RBFOX1: variants seen among roughly 807,000 people sequenced by gnomAD.
The protein encoded by RBFOX1 is RNA binding fox-1 homolog 1.
Under a neutral mutation model 57.7 loss-of-function variants are expected in RBFOX1, and 8 were observed. The observed-to-expected ratio is 0.14, with a 90% CI of 0.08 to 0.25. The LOEUF is 0.25. Among genes scored for constraint, RBFOX1 ranks in the 10% least tolerant of loss-of-function variants. The pLI is 1.00. For missense variants in RBFOX1, 611 were observed against 548.5 expected, an observed-to-expected ratio of 1.11 and a Z score of -1.14; for synonymous variants, 326 against 222.4, an observed-to-expected ratio of 1.47 and a Z score of -4.15.
intron 2 of RBFOX1, among the ~76,000 whole-genome samples, chr16:5,546,746 T>C (rs2045222682): frequency 6.6e-6 from 1 of 152,154 alleles, no homozygotes; most frequent in South Asian, 2.1e-4. Flanking sequence ...TAAAAATGGA[T>C]AAATTTTAAA....
intron 11 of RBFOX1, among the ~76,000 whole-genome samples, chr16:7,631,198 G>T (rs1474263604): frequency 6.6e-6 from 1 of 151,950 alleles, no homozygotes. Flanking sequence ...AGCAGAGAGA[G>T]AAATGTGGTT....
chr16:6,383,835 T>A (rs991077446), intron 2 of RBFOX1, among the ~76,000 whole-genome samples: 3 of 152,070 alleles, frequency 2.0e-5, no homozygotes, highest in African/African-American at 7.2e-5. Context: ...ACAATCAAAT[T>A]TTAAACCAAT....
chr16:5,877,323 C>T (rs1597604585), intron 4 of RBFOX1, among the ~76,000 whole-genome samples: 1 of 152,346 alleles, frequency 6.6e-6, no homozygotes, highest in East Asian at 1.9e-4. Context: ...ATGAATGAAA[C>T]ACTTTTTTCT....
At chr16:6,073,226 G>A (rs2095857656) in intron 1 of RBFOX1, among the ~76,000 whole-genome samples, 1 of 152,192 alleles carries the variant, frequency 6.6e-6, no homozygotes, top group Non-Finnish European at 1.5e-5. Context: ...GGGCTGAGAT[G>A]AACTACTCAC....
intron 2 of RBFOX1, among the ~76,000 whole-genome samples, chr16:5,481,834 T>C (rs2069554321): frequency 6.6e-6 from 1 of 152,148 alleles, no homozygotes; most frequent in Non-Finnish European, 1.5e-5. Flanking sequence ...TCTGACCGTG[T>C]CTCCACATGG....
At chr16:7,545,469 G>C (rs1337839774) in intron 5 of RBFOX1, among the ~76,000 whole-genome samples, 1 of 152,056 alleles carries the variant, frequency 6.6e-6, no homozygotes, top group East Asian at 1.9e-4. Flanking sequence ...CAAAACCCCA[G>C]CCCTGGCACC....
At chr16:7,634,780 C>T (rs1400098197) in intron 11 of RBFOX1, among the ~76,000 whole-genome samples, 2 of 152,194 alleles carry the variant, frequency 1.3e-5, no homozygotes, top group African/African-American at 4.8e-5. Flanking sequence ...CACAGGTCAT[C>T]ATGCATCCTC....
chr16:7,277,182 G>T (rs1012473495), intron 4 of RBFOX1, among the ~76,000 whole-genome samples: 1 of 152,074 alleles, frequency 6.6e-6, no homozygotes, highest in African/African-American at 2.4e-5. Flanking sequence ...GCAATTAACC[G>T]ACTTTTATTT....
At chr16:7,647,080 C>T (rs1248080210) in intron 11 of RBFOX1, among the ~76,000 whole-genome samples, 1 of 152,176 alleles carries the variant, frequency 6.6e-6, no homozygotes, top group Non-Finnish European at 1.5e-5. Flanking sequence ...ACCACCACAG[C>T]GTGCCTCTTG....
intron 2 of RBFOX1, among the ~76,000 whole-genome samples, chr16:6,624,921 G>T: frequency 6.6e-6 from 1 of 152,064 alleles, no homozygotes; most frequent in East Asian, 1.9e-4. Flanking sequence ...CCAGCACTTT[G>T]GTCGAGGTCG....
At chr16:7,240,542 GTTTGTTTGTTTGTT>G (rs973684306) in intron 4 of RBFOX1, among the ~76,000 whole-genome samples, 13 of 151,784 alleles carry the variant, frequency 8.6e-5, no homozygotes, top group African/African-American at 2.9e-4. Flanking sequence ...GGTGTTTTTT[GTTTGTTTGTTTGTT>G]TTTGTTTGTT....
At chr16:5,757,195 C>T (rs1014456666) in intron 3 of RBFOX1, among the ~76,000 whole-genome samples, 15 of 149,052 alleles carry the variant, frequency 1.0e-4, no homozygotes, top group Non-Finnish European at 1.5e-4. Context: ...GCATGAAGAG[C>T]GTGGCGGGGA....
intron 4 of RBFOX1, among the ~76,000 whole-genome samples, chr16:5,880,426 A>T (rs1340692762): frequency 6.6e-6 from 1 of 152,204 alleles, no homozygotes; most frequent in African/African-American, 2.4e-5. Flanking sequence ...TCTCCAAGGG[A>T]TGATACGAGT....
intron 3 of RBFOX1, among the ~76,000 whole-genome samples, chr16:5,684,599 C>G (rs568997503): frequency 6.6e-6 from 1 of 152,256 alleles, no homozygotes; most frequent in South Asian, 2.1e-4. Flanking sequence ...TAAAATGACC[C>G]CACGGTTAAT....
At chr16:6,440,499 G>A (rs904254358) in intron 2 of RBFOX1, among the ~76,000 whole-genome samples, 18 of 152,226 alleles carry the variant, frequency 1.2e-4, no homozygotes, top group Middle Eastern at 3.4e-3. Context: ...TATGACAAGG[G>A]TAGTAAAGAC....
At chr16:7,540,129 C>T (rs186541857) in intron 5 of RBFOX1, among the ~76,000 whole-genome samples, 1 of 152,304 alleles carries the variant, frequency 6.6e-6, no homozygotes, top group East Asian at 1.9e-4. Context: ...CTTCTAACCC[C>T]CGTCTCCTCC....
chr16:6,723,309 T>A (rs536888439), intron 3 of RBFOX1, among the ~76,000 whole-genome samples: 1 of 152,196 alleles, frequency 6.6e-6, no homozygotes, highest in Non-Finnish European at 1.5e-5. Context: ...ACCTACTGTA[T>A]CAGAGTGGTC....
chr16:6,012,818 A>G (rs1215112848), intron 4 of RBFOX1, among the ~76,000 whole-genome samples: 1 of 152,196 alleles, frequency 6.6e-6, no homozygotes, highest in Non-Finnish European at 1.5e-5. Flanking sequence ...AGAGGTCAAA[A>G]TCCCATGAGA....
At chr16:5,255,325 C>CATCA (rs2062558430) in intron 1 of RBFOX1, among the ~76,000 whole-genome samples, 1 of 110,736 alleles carries the variant, frequency 9.0e-6, no homozygotes, top group East Asian at 2.7e-4. Flanking sequence ...CACTTCCTTC[C>CATCA]ATCCATCCAT....
Sources: gnomAD v4.1 joint callset for allele counts (sites outside exome capture counted in the v4.1 genomes callset) on GRCh38, gnomAD v4.1.1 for gene constraint, MANE v1.5 for transcripts, NCBI Gene and HGNC (gene_info 2026-07-23, HGNC 2026-07-21) for gene names.